NVL: variants seen among roughly 807,000 people sequenced by gnomAD.
The protein encoded by NVL is nuclear valosin-containing protein-like.
In NVL, 84 loss-of-function variants were observed where a neutral mutation model predicts 110.2. The ratio of observed to expected loss-of-function variants is 0.76; its 90% CI spans 0.64 to 0.91. The LOEUF (loss-of-function observed/expected upper bound fraction) is 0.91. Among genes scored for constraint, NVL ranks in the 40% least tolerant of loss-of-function variants. The probability of loss-of-function intolerance (pLI) is 0.00; values close to 1 mark genes in which losing one functional copy is unlikely to be tolerated. For synonymous variants in NVL, 354 were observed against 361.1 expected (o/e 0.98, Z 0.22); for missense variants, 882 against 1,035.9 (o/e 0.85, Z 2.04).
At chr1:224,240,045 G>T (rs921278842) in intron 19 of NVL, among the ~76,000 whole-genome samples, 1 of 145,696 alleles carries the variant, frequency 6.9e-6, no homozygotes, top group Non-Finnish European at 1.5e-5. Flanking sequence ...ACAGGCATGC[G>T]CTACCACGCT....
intron 15 of NVL, among the ~76,000 whole-genome samples, chr1:224,282,664 T>G (rs1666477475): frequency 6.6e-6 from 1 of 152,196 alleles, no homozygotes; most frequent in South Asian, 2.1e-4. Context: ...ACCTGGTATC[T>G]GAGCTCCCCA....
chr1:224,247,650 CAG>C (rs1411885639), intron 19 of NVL, among the ~76,000 whole-genome samples: 1 of 150,046 alleles, frequency 6.7e-6, no homozygotes, highest in Admixed American at 6.7e-5. Context: ...GCCTGGGCAA[CAG>C]AGTGACACTC....
At chr1:224,250,102 A>C in intron 19 of NVL, 110 bp downstream of exon 19, 1 of 1,064,146 alleles carries the variant, frequency 9.4e-7, no homozygotes, top group South Asian at 1.7e-5. Flanking sequence ...CTGGGCAAAC[A>C]CAGCTACAGA....
intron 11 of NVL, 77 bp downstream of exon 11, chr1:224,296,423 AT>A (rs1435145622): frequency 3.0e-5 from 22 of 743,884 alleles, no homozygotes; most frequent in Non-Finnish European, 4.4e-5. Flanking sequence ...TATGAATATT[AT>A]TTTTTATCTT....
At position 224,305,170 on chromosome 1, in the gene NVL, G is replaced by T; in HGVS notation, c.616-4C>A. 1 of 1,595,340 alleles carries T rather than the reference G, an allele frequency of 6.3e-7. No individual in the cohort carries two copies. The highest frequency in any genetic ancestry group is 1.1e-5 in the South Asian group (1 of 87,002). On this transcript the variant is annotated splice_polypyrimidine_tract_variant and splice_region_variant and intron_variant, in intron 6 of 22. Transcript: ENST00000281701. The stretch of plus-strand genomic sequence containing the variant: ...AAAGAGAAGAATCTTTTGAATCCTG[G>T]AAAGAAAATAAATTTAAATATGCCA...
At chr1:224,318,017 T>G (rs4436353) in intron 2 of NVL, 87 bp from the exon 3 acceptor site, 884,235 of 885,592 alleles carry the variant, frequency 1, 441,455 homozygotes, top group Non-Finnish European at 1. Flanking sequence ...AAATAAATTT[T>G]CATGAATATT....
intron 4 of NVL, 150 bp downstream of exon 4, chr1:224,317,544 G>C (rs943703820): frequency 1.7e-6 from 1 of 592,042 alleles, no homozygotes; most frequent in African/African-American, 1.9e-5. Flanking sequence ...ATCTCTTTGG[G>C]GAATAAAGAA....
chr1:224,305,242 C>G, intron 6 of NVL, 76 bp from the exon 7 acceptor site: 1 of 1,437,558 alleles, frequency 7.0e-7, no homozygotes, highest in Non-Finnish European at 9.3e-7. Context: ...TAAAGAGGGG[C>G]ATTGTAAAGA....
chr1:224,250,415 A>G (rs1662340574), intron 18 of NVL, 97 bp from the exon 19 acceptor site: 1 of 1,145,220 alleles, frequency 8.7e-7, no homozygotes. Flanking sequence ...CCCAGGCTGG[A>G]GTGCAGTGGC....
chr1:224,264,580 T>A (rs983603965), intron 18 of NVL, among the ~76,000 whole-genome samples: 2 of 152,090 alleles, frequency 1.3e-5, no homozygotes, highest in African/African-American at 4.8e-5. Flanking sequence ...TACAGTAGTT[T>A]GTTATGCAGC....
chr1:224,281,077 A>G, intron 16 of NVL, 46 bp downstream of exon 16: 2 of 1,512,928 alleles, frequency 1.3e-6, no homozygotes, highest in East Asian at 2.3e-5. Flanking sequence ...TTGCATGACC[A>G]TTACTTTTTC....
intron 20 of NVL, among the ~76,000 whole-genome samples, chr1:224,236,296 A>G (rs962191293): frequency 6.6e-6 from 1 of 152,158 alleles, no homozygotes; most frequent in African/African-American, 2.4e-5. Flanking sequence ...AACATATGAA[A>G]GGACTCCCCT....
intron 6 of NVL, 67 bp from the exon 7 acceptor site, chr1:224,305,233 A>C (rs1572016390): frequency 1.3e-6 from 2 of 1,486,530 alleles, no homozygotes; most frequent in East Asian, 4.6e-5. Flanking sequence ...TTTACTTTTT[A>C]AAGAGGGGCA....
chr1:224,265,870 C>T (rs1286498438), intron 18 of NVL, among the ~76,000 whole-genome samples: 5 of 152,134 alleles, frequency 3.3e-5, no homozygotes, highest in African/African-American at 4.8e-5. Flanking sequence ...CAAGCTCAAG[C>T]GATCCTCCTG....
At chr1:224,285,281 A>G (rs369460333) in intron 15 of NVL, among the ~76,000 whole-genome samples, 50 of 152,058 alleles carry the variant, frequency 3.3e-4, no homozygotes, top group African/African-American at 1.1e-3. Context: ...CTAAAAATAC[A>G]AAAATTAGCC....
At chr1:224,231,705 T>C (rs1318471964) in intron 21 of NVL, among the ~76,000 whole-genome samples, 1 of 152,154 alleles carries the variant, frequency 6.6e-6, no homozygotes, top group African/African-American at 2.4e-5. Flanking sequence ...GAATATTTTA[T>C]ATATAATATA....
At chr1:224,257,123 TA>T (rs1663366071) in intron 18 of NVL, 2 of 523,128 alleles carry the variant, frequency 3.8e-6, no homozygotes, top group Non-Finnish European at 7.8e-6. Flanking sequence ...AATTCTTAGG[TA>T]GAAGACAAAA....
chr1:224,254,390 ATT>A lies in NVL; in HGVS notation c.2183-4074_2183-4073del, dbSNP rs36065511. 8.9e-3 allele frequency among the ~76,000 whole-genome samples: 749 copies of A among 84,244 alleles called. 8 individuals are homozygous for A. Among genetic ancestry groups the A allele is most frequent in the African/African-American group, 0.023 (503 of 21,858 alleles). 55.3% of individuals were successfully genotyped at this position (84,244 alleles called of 152,430 possible). ...ACAGGCATGAGCCACAGTGCCTGGC[ATT>A]TTTTTTTTTTTTTTTTTGAGATGGA... On this transcript the variant is annotated intron_variant, in intron 18 of 22. Coordinates refer to ENST00000281701, the MANE Select transcript of NVL (RefSeq NM_002533.4).
intron 18 of NVL, among the ~76,000 whole-genome samples, chr1:224,259,648 A>C (rs1389540498): frequency 6.6e-6 from 1 of 151,614 alleles, no homozygotes; most frequent in Non-Finnish European, 1.5e-5. Context: ...AATAATAAGA[A>C]TGATGTTTTT....
Sources: gnomAD v4.1 joint callset for allele counts (sites outside exome capture counted in the v4.1 genomes callset) on GRCh38, gnomAD v4.1.1 for gene constraint, MANE v1.5 for transcripts, NCBI Gene and HGNC (gene_info 2026-07-23, HGNC 2026-07-21) for gene names.